Variants in RANBP2 observed in about 807,000 individuals in gnomAD.
The protein encoded by RANBP2 is E3 SUMO-protein ligase RanBP2.
In RANBP2, 57 loss-of-function variants were observed where a neutral mutation model predicts 303.6. The observed-to-expected ratio is 0.19, with a 90% CI of 0.15 to 0.23. RANBP2 has a LOEUF of 0.23. RANBP2 is among the 10% of genes least tolerant of loss of function. The pLI, the probability that RANBP2 is intolerant of heterozygous loss-of-function variation, is 1.00. For synonymous variants in RANBP2, 1,167 were observed against 1,301.5 expected (o/e 0.90, Z 2.23); for missense variants, 3,138 against 3,780.8 (o/e 0.83, Z 4.46).
chr2:109,185,637 G>T, the RANBP2 span, among the ~76,000 whole-genome samples: 1 of 152,144 alleles, frequency 6.6e-6, no homozygotes, highest in African/African-American at 2.4e-5. Context: ...CCCTGGACAG[G>T]ACAGCCCTCA....
chr2:109,459,604 G>C, the RANBP2 span, among the ~76,000 whole-genome samples: 1 of 152,150 alleles, frequency 6.6e-6, no homozygotes, highest in African/African-American at 2.4e-5. Context: ...GTGCAGTCCA[G>C]TTTCCCACGG....
the RANBP2 span, among the ~76,000 whole-genome samples, chr2:109,709,592 C>T: frequency 6.6e-6 from 1 of 152,144 alleles, no homozygotes; most frequent in African/African-American, 2.4e-5. Flanking sequence ...CATCACAGCA[C>T]CTACCTTGTA....
At chr2:109,413,294 A>C in the RANBP2 span, among the ~76,000 whole-genome samples, 2 of 152,130 alleles carry the variant, frequency 1.3e-5, no homozygotes, top group Non-Finnish European at 2.9e-5. Context: ...TTTGTATTTT[A>C]GTAGAGACAG....
chr2:109,618,414 A>G, the RANBP2 span: 2 of 167,114 alleles, frequency 1.2e-5, no homozygotes, highest in African/African-American at 4.8e-5. Context: ...ATAATTTGCC[A>G]GGGCTTTAGA....
the RANBP2 span, among the ~76,000 whole-genome samples, chr2:109,441,182 G>T: frequency 6.7e-6 from 1 of 148,502 alleles, no homozygotes; most frequent in Admixed American, 6.6e-5. Context: ...CACAATGTCT[G>T]ATGTCCAATA....
chr2:109,265,258 A>AG, the RANBP2 span, among the ~76,000 whole-genome samples: 1 of 152,328 alleles, frequency 6.6e-6, no homozygotes, highest in African/African-American at 2.4e-5. Context: ...GGACAAGGCC[A>AG]GGGGAGCTCT....
the RANBP2 span, among the ~76,000 whole-genome samples, chr2:109,130,721 C>T: frequency 2.5e-4 from 38 of 152,180 alleles, no homozygotes; most frequent in African/African-American, 8.9e-4. Flanking sequence ...AAGGTCTTCT[C>T]CTGGGCTCCC....
At chr2:109,593,252 C>A in the RANBP2 span, 1 of 501,650 alleles carries the variant, frequency 2.0e-6, no homozygotes, top group Non-Finnish European at 3.5e-6. Flanking sequence ...GTGTAGTCTA[C>A]ATTATTGAAT....
intron 18 of RANBP2, among the ~76,000 whole-genome samples, chr2:108,759,466 T>C (rs2149258334): frequency 6.6e-6 from 1 of 152,200 alleles, no homozygotes; most frequent in East Asian, 1.9e-4. Flanking sequence ...GACAGACTTC[T>C]GAAATGGTAG....
chr2:109,273,454 G>A, the RANBP2 span, among the ~76,000 whole-genome samples: 179 of 152,332 alleles, frequency 1.2e-3, no homozygotes, highest in African/African-American at 3.7e-3. Flanking sequence ...GGGGCTGGGC[G>A]GAGGAGGGGA....
the RANBP2 span, among the ~76,000 whole-genome samples, chr2:109,416,390 T>G: frequency 1.3e-5 from 2 of 150,816 alleles, no homozygotes; most frequent in Non-Finnish European, 3.0e-5. Context: ...AGGTCAGGAG[T>G]TCAAGACTAG....
At chr2:109,336,224 C>G in the RANBP2 span, among the ~76,000 whole-genome samples, 2 of 152,200 alleles carry the variant, frequency 1.3e-5, no homozygotes, top group Non-Finnish European at 2.9e-5. Context: ...GAAGGATTCT[C>G]CCTCACTGGG....
the RANBP2 span, among the ~76,000 whole-genome samples, chr2:108,828,357 T>C: frequency 6.6e-6 from 1 of 152,126 alleles, no homozygotes; most frequent in East Asian, 1.9e-4. Context: ...ATACTACTTA[T>C]CCTAAAATTG....
chr2:109,453,116 T>C, the RANBP2 span, among the ~76,000 whole-genome samples: 1 of 152,160 alleles, frequency 6.6e-6, no homozygotes, highest in South Asian at 2.1e-4. Flanking sequence ...CTGGGGATAA[T>C]ACAAGTGCAG....
the RANBP2 span, among the ~76,000 whole-genome samples, chr2:109,188,547 C>T: frequency 6.6e-6 from 1 of 152,218 alleles, no homozygotes; most frequent in African/African-American, 2.4e-5. Flanking sequence ...CGGCATCCCC[C>T]GTCATTGTGA....
the RANBP2 span, among the ~76,000 whole-genome samples, chr2:109,682,844 C>A: frequency 6.6e-6 from 1 of 152,146 alleles, no homozygotes; most frequent in Non-Finnish European, 1.5e-5. Flanking sequence ...TGTCAACAAG[C>A]CTGGACATTT....
the RANBP2 span, among the ~76,000 whole-genome samples, chr2:109,039,820 A>T: frequency 6.6e-6 from 1 of 151,652 alleles, no homozygotes; most frequent in South Asian, 2.1e-4. Context: ...TCTATTTGTT[A>T]TGTGTATCTT....
the RANBP2 span, among the ~76,000 whole-genome samples, chr2:108,793,931 C>G: frequency 6.6e-6 from 1 of 152,004 alleles, no homozygotes; most frequent in Admixed American, 6.6e-5. Flanking sequence ...ACTTGTACAC[C>G]AGAAGCCACG....
chr2:109,713,057 C>G, the RANBP2 span, among the ~76,000 whole-genome samples: 87 of 152,224 alleles, frequency 5.7e-4, 1 homozygote, highest in Admixed American at 2.0e-3. Flanking sequence ...GCCAGCCCAG[C>G]CCTGCTTTAA....
Sources: allele counts gnomAD v4.1 joint callset (sites outside exome capture counted in the v4.1 genomes callset), GRCh38; gene constraint gnomAD v4.1.1; transcripts MANE v1.5; gene names NCBI Gene and HGNC (gene_info 2026-07-23, HGNC 2026-07-21).